The following BCAS3 variants were observed in gnomAD, a reference collection of about 807,000 sequenced individuals.
BCAS3 encodes the protein BCAS3 microtubule associated cell migration factor, also known as BCAS4/BCAS3 fusion.
In BCAS3, 53 loss-of-function variants were observed where a neutral mutation model predicts 116.1. The ratio of observed to expected loss-of-function variants is 0.46; its 90% CI spans 0.37 to 0.57. The LOEUF (loss-of-function observed/expected upper bound fraction) is 0.57, where lower values mean the gene tolerates loss of function less well. Among genes scored for constraint, BCAS3 ranks in the 20% least tolerant of loss-of-function variants. The probability of loss-of-function intolerance (pLI) is 0.00; values close to 1 mark genes in which losing one functional copy is unlikely to be tolerated. For synonymous variants in BCAS3, 391 were observed against 408.2 expected, an observed-to-expected ratio of 0.96 and a Z score of 0.51; for missense variants, 917 against 1,165.4, an observed-to-expected ratio of 0.79 and a Z score of 3.10.
At chr17:60,983,245 A>G (rs906755949) in intron 14 of BCAS3, among the ~76,000 whole-genome samples, 2 of 152,158 alleles carry the variant, frequency 1.3e-5, no homozygotes, top group African/African-American at 4.8e-5. Flanking sequence ...TGATGAGAAT[A>G]TGTTAATTAC....
At chr17:60,975,157 G>A (rs1023229350) in intron 14 of BCAS3, among the ~76,000 whole-genome samples, 4 of 151,170 alleles carry the variant, frequency 2.6e-5, no homozygotes, top group South Asian at 4.2e-4. Context: ...GCCCGCCACC[G>A]CGCCCGGCTA....
intron 6 of BCAS3, among the ~76,000 whole-genome samples, chr17:60,802,126 A>T (rs1035353035): frequency 6.6e-6 from 1 of 151,764 alleles, no homozygotes; most frequent in South Asian, 2.1e-4. Context: ...TCTACTAAAA[A>T]TACAAAAATT....
chr17:60,972,444 C>CTTTT (rs150860541), intron 14 of BCAS3, among the ~76,000 whole-genome samples: 23 of 114,086 alleles, frequency 2.0e-4, no homozygotes, highest in African/African-American at 4.2e-4. Flanking sequence ...CTCACTTGGC[C>CTTTT]TTTTTTTTTT....
rs2045126913 is a variant in BCAS3 at position 60,774,965 on chromosome 17, G to A, written c.403+27686G>A. Among the ~76,000 whole-genome samples, 4 of 152,262 alleles carry A rather than the reference G, an allele frequency of 2.6e-5. No individual in the cohort carries two copies. In the East Asian group the frequency reaches 5.8e-4, roughly 22 times the overall value. On this transcript the variant is annotated intron_variant, in intron 6 of 23. Coordinates refer to ENST00000407086, the MANE Select transcript of BCAS3 (RefSeq NM_017679.5). The stretch of plus-strand genomic sequence containing the variant: ...GAGGGTAAATCTGATCTGCTGCAGA[G>A]GTTCAGCATTTTGCCTTAGTTCCTT...
intron 13 of BCAS3, among the ~76,000 whole-genome samples, chr17:60,945,813 A>G (rs370513867): frequency 6.7e-6 from 1 of 150,118 alleles, no homozygotes; most frequent in African/African-American, 2.5e-5. Flanking sequence ...AATAATAATA[A>G]TAACAATAAA....
At chr17:61,036,324 T>C (rs1314441497) in intron 17 of BCAS3, 1 of 152,192 alleles carries the variant, frequency 6.6e-6, no homozygotes. Flanking sequence ...CTTTCTCTTG[T>C]TATCGCCTTT....
rs531283210 is a variant in BCAS3 at position 61,190,905 on chromosome 17, CA to C, written c.2425+106348del. Among the ~76,000 whole-genome samples the C allele has an allele frequency of 1.5e-4, 23 of 151,822 alleles. No homozygotes were observed. In the East Asian group the frequency reaches 4.3e-3, roughly 28 times the overall value. Reference sequence around the variant, plus strand: ...GGTGTGAGCCACCGTGCCTGGACTACAAAAAAACTTTATTAAGTAGCTGGGT... The same window carrying C: ...GGTGTGAGCCACCGTGCCTGGACTACAAAAAACTTTATTAAGTAGCTGGGT... On this transcript the variant is annotated intron_variant, in intron 22 of 23. Transcript: ENST00000407086.
At chr17:61,218,786 C>G (rs796692268) in intron 22 of BCAS3, among the ~76,000 whole-genome samples, 10 of 152,306 alleles carry the variant, frequency 6.6e-5, no homozygotes, top group African/African-American at 2.4e-4. Context: ...CCACATTTGC[C>G]TAGGTCCCAG....
At chr17:60,825,393 C>T (rs372956733) in intron 7 of BCAS3, among the ~76,000 whole-genome samples, 1 of 150,974 alleles carries the variant, frequency 6.6e-6, no homozygotes, top group Non-Finnish European at 1.5e-5. Flanking sequence ...ACCACATCTC[C>T]GAATCTCATG....
Position 61,213,273 on chromosome 17 carries a change from G to A in BCAS3, c.2425+128709G>A, listed in dbSNP as rs1303909621. On this transcript the variant is annotated intron_variant, in intron 22 of 23. Transcript: ENST00000407086. The surrounding 1 kb of genome is among the most constrained non-coding windows in gnomAD (Gnocchi z 5.4). ...CAACCTCTGGTCCCCGGGTTCAAGC[G>A]ATCCTCCTGCCTCAGCTTCTCGAGT... is the stretch of plus-strand genomic sequence containing the variant. Among the ~76,000 whole-genome samples, 1 of 151,980 alleles carries A rather than the reference G, an allele frequency of 6.6e-6. No homozygotes were observed. Among genetic ancestry groups the A allele is most frequent in the Non-Finnish European group, 1.5e-5 (1 of 68,012 alleles).
chr17:61,296,319 G>A (rs1438415944), intron 22 of BCAS3, among the ~76,000 whole-genome samples: 1 of 152,150 alleles, frequency 6.6e-6, no homozygotes, highest in Non-Finnish European at 1.5e-5. Flanking sequence ...AATCAGCAAA[G>A]GCAACTAGCA....
intron 7 of BCAS3, among the ~76,000 whole-genome samples, chr17:60,812,917 C>G (rs893919979): frequency 5.3e-5 from 8 of 151,910 alleles, no homozygotes; most frequent in African/African-American, 1.7e-4. Flanking sequence ...AAAAAAATTT[C>G]TTTTTTTAAG....
At chr17:61,372,468 T>C (rs1277651590) in intron 23 of BCAS3, among the ~76,000 whole-genome samples, 1 of 152,220 alleles carries the variant, frequency 6.6e-6, no homozygotes, top group African/African-American at 2.4e-5. Context: ...GTTGGCTTTG[T>C]CTCCTGATCT....
At chr17:60,996,961 A>T (rs116868324) in intron 15 of BCAS3, among the ~76,000 whole-genome samples, 2,170 of 152,284 alleles carry the variant, frequency 0.014, 24 homozygotes, top group Non-Finnish European at 0.021. Flanking sequence ...TGTGATCCCC[A>T]ACCTTTTTGG....
At chr17:60,825,010 A>G in intron 7 of BCAS3, among the ~76,000 whole-genome samples, 1 of 152,076 alleles carries the variant, frequency 6.6e-6, no homozygotes, top group East Asian at 1.9e-4. Flanking sequence ...TACAAAAAAT[A>G]CAAAAATGAG....
At chr17:60,710,570 T>C (rs558237205) in intron 5 of BCAS3, among the ~76,000 whole-genome samples, 28 of 151,974 alleles carry the variant, frequency 1.8e-4, no homozygotes, top group African/African-American at 6.5e-4. Context: ...TAGCTGGGAC[T>C]ATAGGCGCCC....
intron 13 of BCAS3, among the ~76,000 whole-genome samples, chr17:60,935,523 T>C (rs1000102334): frequency 3.9e-5 from 6 of 152,162 alleles, no homozygotes; most frequent in Admixed American, 2.0e-4. Context: ...ATTTTTCTTA[T>C]ATATACTTGT....
intron 22 of BCAS3, chr17:61,086,918 C>G (rs979688666): frequency 2.0e-6 from 2 of 985,096 alleles, no homozygotes; most frequent in Non-Finnish European, 2.4e-6. Context: ...AATGTTTTGT[C>G]GTGGAATGTC....
chr17:60,893,520 C>T (rs2057312695), intron 10 of BCAS3, among the ~76,000 whole-genome samples: 1 of 150,190 alleles, frequency 6.7e-6, no homozygotes, highest in Non-Finnish European at 1.5e-5. Flanking sequence ...GTATTTTTGT[C>T]AACTTTGTTA....
Sources: allele counts gnomAD v4.1 joint callset (sites outside exome capture counted in the v4.1 genomes callset), GRCh38; gene constraint gnomAD v4.1.1; non-coding constraint Gnocchi (gnomAD v3.1); transcripts MANE v1.5; gene names NCBI Gene and HGNC (gene_info 2026-07-23, HGNC 2026-07-21).